Variants in ESPN observed in about 807,000 individuals in gnomAD.
ESPN encodes autosomal recessive deafness type 36 protein.
Under a neutral mutation model 77.7 loss-of-function variants are expected in ESPN, and 68 were observed. The observed-to-expected ratio is 0.87, with a 90% confidence interval of 0.72 to 1.07. ESPN has a LOEUF of 1.07. Among genes scored for constraint, ESPN ranks in the 50% least tolerant of loss-of-function variants. ESPN has a pLI of 0.00. For synonymous variants in ESPN, 449 were observed against 567.1 expected, an observed-to-expected ratio of 0.79 and a Z score of 2.96; for missense variants, 1,060 against 1,239.0, an observed-to-expected ratio of 0.86 and a Z score of 2.17.
intron 12 of ESPN, among the ~76,000 whole-genome samples, 197 bp from the exon 13 acceptor site, chr1:6,459,802 G>T (rs551202701): frequency 6.6e-6 from 1 of 152,200 alleles, no homozygotes; most frequent in East Asian, 1.9e-4. Flanking sequence ...CACTCACCCA[G>T]CTCCCCTGTG....
chr1:6,440,155 C>T, intron 2 of ESPN, 99 bp from the exon 3 acceptor site: 1 of 1,320,730 alleles, frequency 7.6e-7, no homozygotes, highest in Non-Finnish European at 1.1e-6. Context: ...CCCACTCTCC[C>T]TGCCGTCCAG....
At chr1:6,445,074 C>G (rs1643777815) in intron 6 of ESPN, among the ~76,000 whole-genome samples, 2 of 152,108 alleles carry the variant, frequency 1.3e-5, no homozygotes, top group African/African-American at 4.8e-5. Flanking sequence ...ACACAGTGCT[C>G]TATTTCCATA....
chr1:6,439,828 T>G (rs1252471966), intron 2 of ESPN, among the ~76,000 whole-genome samples: 1 of 151,950 alleles, frequency 6.6e-6, no homozygotes, highest in Non-Finnish European at 1.5e-5. Flanking sequence ...GTCAACATGG[T>G]GAAACCCTGT....
At position 6,429,966 on chromosome 1, in the gene ESPN, C is replaced by T. The variant is rs566874785; in HGVS notation, c.488+1547C>T. On this transcript the variant is annotated intron_variant, in intron 2 of 12. Coordinates refer to ENST00000645284, the MANE Select transcript of ESPN (RefSeq NM_031475.3). ...CCGTTCCCCACAGCAGCATGTGACT[C>T]GACTGATAAGAAGGTGTCTTTGTGT... is the stretch of plus-strand genomic sequence containing the variant. 3.2e-5 allele frequency: 5 copies of T among 153,974 alleles called. No homozygotes were observed. In the South Asian group the frequency reaches 8.2e-4, roughly 25 times the overall value. 9.5% of individuals were successfully genotyped at this position (153,974 alleles called of 1,614,324 possible). A position where few individuals can be genotyped will look rare whatever the true frequency, so the allele number is the denominator to read the frequency against.
At chr1:6,444,154 G>A (rs999082110) in intron 5 of ESPN, among the ~76,000 whole-genome samples, 1 of 152,216 alleles carries the variant, frequency 6.6e-6, no homozygotes, top group African/African-American at 2.4e-5. Flanking sequence ...GCCGATCCGT[G>A]AGGGAGAAGG....
Position 6,445,805 on chromosome 1 carries a change from G to A in ESPN, c.1334G>A (p.Gly445Asp), listed in dbSNP as rs1364490110. ...TTCCCCCCGCCACCCCCGCCCCCAG[G>A]CACCCAACTGCCCCCACCCCCACCT... is the stretch of plus-strand genomic sequence containing the variant. ...PSFPPPPPPP[G>D]TQLPPPPPGY... Residue 445 changes from glycine to aspartate, a missense_variant, in exon 7 of 13, where the codon GGC becomes GAC. Gly to Asp is a moderately conservative substitution (Grantham distance 94). This residue lies in a region of ESPN where 130 missense variants were observed against 223.9 expected (regional missense o/e 0.58). Transcript: ENST00000645284. 1.6e-6 allele frequency: 1 copy of A among 632,060 alleles called. No homozygotes were observed. Among genetic ancestry groups the A allele is most frequent in the East Asian group, 1.4e-4 (1 of 7,120 alleles). 39.2% of individuals were successfully genotyped at this position (632,060 alleles called of 1,614,324 possible).
At chr1:6,449,741 C>T (rs1643913057) in intron 8 of ESPN, among the ~76,000 whole-genome samples, 1 of 152,192 alleles carries the variant, frequency 6.6e-6, no homozygotes, top group Admixed American at 6.5e-5. Context: ...CCCTAGGCAA[C>T]CTTTTTTAAG....
At chr1:6,434,563 G>A (rs1286860503) in intron 2 of ESPN, among the ~76,000 whole-genome samples, 2 of 152,190 alleles carry the variant, frequency 1.3e-5, no homozygotes, top group East Asian at 3.9e-4. Context: ...TGTCTGGCAA[G>A]TGGACCTAAC....
rs746857858 is a variant in ESPN, at chr1:6,451,478, C to T, written c.1916-125C>T. The T allele has an allele frequency of 3.1e-5, 42 of 1,359,300 alleles. No homozygotes were observed. The African/African-American group carries it at 3.2e-4, about 10-fold the overall frequency. 84.2% of individuals were successfully genotyped at this position (1,359,300 alleles called of 1,614,324 possible). A position where few individuals can be genotyped will look rare whatever the true frequency, so the allele number is the denominator to read the frequency against. On this transcript the variant is annotated intron_variant, in intron 8 of 12. Coordinates refer to ENST00000645284, the MANE Select transcript of ESPN (RefSeq NM_031475.3). This position sits in a 1 kb window ranked among gnomAD's most constrained non-coding sequence, Gnocchi z 4.3. The stretch of plus-strand genomic sequence containing the variant: ...AGGACCTGGGATCTGGAGAGCTGCC[C>T]GCTGGCCCGGAGGATGGGCACCCAT...
At chr1:6,432,887 C>T (rs966414674) in intron 2 of ESPN, among the ~76,000 whole-genome samples, 5 of 152,228 alleles carry the variant, frequency 3.3e-5, no homozygotes, top group East Asian at 1.9e-4. Context: ...CTTTGGGAGG[C>T]TGAGGCGGGT....
intron 6 of ESPN, 124 bp downstream of exon 6, chr1:6,444,806 C>G: frequency 8.6e-7 from 1 of 1,162,326 alleles, no homozygotes; most frequent in South Asian, 1.3e-5. Flanking sequence ...ATCACTTGCT[C>G]TTAAACATGG....
intron 2 of ESPN, chr1:6,429,712 G>A (rs397833150): frequency 1.3e-5 from 2 of 152,410 alleles, no homozygotes; most frequent in East Asian, 1.9e-4. Context: ...CTGAGAAGCC[G>A]TGATCCCTCC....
chr1:6,456,782 C>T (rs1644064701), intron 10 of ESPN: 2 of 326,494 alleles, frequency 6.1e-6, no homozygotes, highest in Admixed American at 4.7e-5. Context: ...AGGTCCTTCA[C>T]AGGGGAGCCA....
At chr1:6,441,668 G>A (rs1017920529) in intron 5 of ESPN, among the ~76,000 whole-genome samples, 2 of 152,260 alleles carry the variant, frequency 1.3e-5, no homozygotes, top group African/African-American at 2.4e-5. Context: ...TCCAAGTGCA[G>A]GGCTCTGCAC....
At chr1:6,439,277 A>G (rs924236428) in intron 2 of ESPN, among the ~76,000 whole-genome samples, 1 of 152,216 alleles carries the variant, frequency 6.6e-6, no homozygotes, top group Non-Finnish European at 1.5e-5. Flanking sequence ...CAGATAAACA[A>G]GCTGTACTTT....
At chr1:6,434,377 T>C (rs1643357754) in intron 2 of ESPN, among the ~76,000 whole-genome samples, 1 of 152,242 alleles carries the variant, frequency 6.6e-6, no homozygotes. Flanking sequence ...TCATCCCATC[T>C]GTCCCTGACT....
intron 2 of ESPN, among the ~76,000 whole-genome samples, chr1:6,434,732 T>C (rs1475894560): frequency 1.3e-5 from 2 of 152,166 alleles, no homozygotes; most frequent in African/African-American, 4.8e-5. Context: ...CATGTGTGTA[T>C]GGGTCTGAGG....
intron 12 of ESPN, among the ~76,000 whole-genome samples, chr1:6,458,786 G>A (rs1203822100): frequency 6.9e-6 from 1 of 144,334 alleles, no homozygotes; most frequent in Non-Finnish European, 1.5e-5. Context: ...TAAAAATTAG[G>A]TGGTCGTGAT....
intron 2 of ESPN, among the ~76,000 whole-genome samples, chr1:6,431,628 C>CAAA (rs760363517): frequency 1.2e-3 from 75 of 61,720 alleles, no homozygotes; most frequent in Middle Eastern, 7.9e-3. Context: ...AAGATTCTGT[C>CAAA]AAAAAAAAAA....
Sources: allele counts gnomAD v4.1 joint callset (sites outside exome capture counted in the v4.1 genomes callset), GRCh38; gene constraint gnomAD v4.1.1; regional missense constraint gnomAD v4.1.1; non-coding constraint Gnocchi (gnomAD v3.1); transcripts MANE v1.5; gene names NCBI Gene and HGNC (gene_info 2026-07-23, HGNC 2026-07-21).